The following RNF111 variants were observed in gnomAD, a reference collection of about 807,000 sequenced individuals.
RNF111 encodes E3 ubiquitin-protein ligase Arkadia.
RNF111 carries 17 observed loss-of-function variants against 95.1 expected under a neutral mutation model. The observed-to-expected ratio is 0.18, with a 90% CI of 0.12 to 0.27. The LOEUF (loss-of-function observed/expected upper bound fraction) is 0.27. Among genes scored for constraint, RNF111 ranks in the 10% least tolerant of loss-of-function variants. The pLI is 1.00. For missense variants in RNF111, 1,189 were observed against 1,210.4 expected (o/e 0.98, Z 0.26); for synonymous variants, 440 against 414.8 (o/e 1.06, Z -0.74).
intron 1 of RNF111, among the ~76,000 whole-genome samples, chr15:59,009,141 G>A (rs2039675461): frequency 6.6e-6 from 1 of 152,106 alleles, no homozygotes; most frequent in East Asian, 1.9e-4. Flanking sequence ...TGTATTTTTA[G>A]TAGAGATGGG....
At chr15:59,071,182 C>T (rs2042907651) in intron 6 of RNF111, among the ~76,000 whole-genome samples, 1 of 151,576 alleles carries the variant, frequency 6.6e-6, no homozygotes, top group Admixed American at 6.6e-5. Context: ...CCTGTAGTCC[C>T]AGCTACTCGG....
intron 1 of RNF111, among the ~76,000 whole-genome samples, chr15:59,025,859 T>A (rs1445210098): frequency 2.0e-5 from 3 of 151,958 alleles, no homozygotes; most frequent in Non-Finnish European, 4.4e-5. Context: ...GCCTCCCGAG[T>A]AGCTGGGATT....
chr15:59,054,807 A>G (rs756705278), intron 3 of RNF111, among the ~76,000 whole-genome samples: 2 of 152,058 alleles, frequency 1.3e-5, no homozygotes, highest in East Asian at 3.9e-4. Flanking sequence ...TATATTACAG[A>G]TATTTTCTGT....
At chr15:59,049,113 G>A (rs2041847774) in intron 2 of RNF111, among the ~76,000 whole-genome samples, 1 of 152,086 alleles carries the variant, frequency 6.6e-6, no homozygotes, top group Non-Finnish European at 1.5e-5. Flanking sequence ...ATTTACATTT[G>A]TTGTGAAACA....
intron 1 of RNF111, among the ~76,000 whole-genome samples, chr15:59,014,296 T>C (rs80291252): frequency 0.016 from 2,432 of 152,292 alleles, 72 homozygotes; most frequent in African/African-American, 0.056. Flanking sequence ...ATCAGCTGTT[T>C]TGCCAAGAAA....
At chr15:59,075,660 G>T (rs1413118733) in intron 6 of RNF111, among the ~76,000 whole-genome samples, 3 of 152,128 alleles carry the variant, frequency 2.0e-5, no homozygotes, top group Non-Finnish European at 4.4e-5. Context: ...AAGACAAAAA[G>T]ATTTTAATAT....
At chr15:59,034,697 A>T (rs2041085961) in intron 2 of RNF111, among the ~76,000 whole-genome samples, 1 of 152,242 alleles carries the variant, frequency 6.6e-6, no homozygotes, top group Non-Finnish European at 1.5e-5. Context: ...GTTATTTCCT[A>T]GTCATATTTT....
chr15:58,998,749 C>T lies in RNF111; in HGVS notation c.-20+10681C>T, dbSNP rs1231552046. Among the ~76,000 whole-genome samples, 5 of 152,170 alleles carry T rather than the reference C, an allele frequency of 3.3e-5. No individual in the cohort carries two copies. In the East Asian group the frequency reaches 5.8e-4, roughly 18 times the overall value. On this transcript the variant is annotated intron_variant, in intron 1 of 13. Transcript: ENST00000348370. ...AAGCAAAAATTAGAATTGTGGAAAA[C>T]GCCTATCAGTCACTGTAATTTTGGC...
At chr15:59,093,490 C>T (rs1412228927) in intron 13 of RNF111, 15 of 416,402 alleles carry the variant, frequency 3.6e-5, no homozygotes, top group African/African-American at 8.5e-5. Flanking sequence ...GGATTACAGG[C>T]GTAAGCCACT....
chr15:59,027,819 C>A (rs1443161268), intron 1 of RNF111, among the ~76,000 whole-genome samples: 1 of 150,706 alleles, frequency 6.6e-6, no homozygotes, highest in Non-Finnish European at 1.5e-5. Context: ...AGGCGTGAGC[C>A]ACTGCACCTG....
Position 59,092,627 on chromosome 15 carries a change from G to C in RNF111, c.2830G>C (p.Gly944Arg). ...TATCTGTTTGTCTATTTTAGAGGAA[G>C]GTGAAGATGTGAGGTAACTAGATAT... ...CTICLSILEE[G>R]EDVRRLPCMH... is the part of the protein sequence containing the mutation. The change falls in exon 13 of 14, where the codon GGT (glycine) becomes CGT (arginine). Residue 944 changes from glycine to arginine, a missense_variant. Gly to Arg is a moderately radical substitution (Grantham distance 125). This residue lies in a region of RNF111 where 165 missense variants were observed against 284.6 expected (regional missense o/e 0.58). Transcript: ENST00000348370. 6.2e-7 allele frequency: 1 copy of C among 1,610,396 alleles called. No individual in the cohort carries two copies. Among genetic ancestry groups the C allele is most frequent in the Middle Eastern group, 1.7e-4 (1 of 6,058 alleles).
Position 59,091,140 on chromosome 15 carries a change from C to T in RNF111, c.2725C>T (p.His909Tyr). The T allele has an allele frequency of 1.9e-6, 3 of 1,590,470 alleles. No homozygotes were observed. Among genetic ancestry groups the T allele is most frequent in the Non-Finnish European group, 2.6e-6 (3 of 1,161,284 alleles). Residue 909 changes from histidine (H) to tyrosine (Y), a missense_variant, in exon 12 of 14, where the codon CAT (histidine) becomes TAT (tyrosine). His to Tyr is a moderately conservative substitution (Grantham distance 83, BLOSUM62 2). Around this residue, in one of 2 missense-constraint regions of RNF111, gnomAD observed 165 missense variants for 284.6 expected, o/e 0.58. Coordinates refer to ENST00000348370, the MANE Select transcript of RNF111 (RefSeq NM_017610.8). ...QGTIERCTYP[H>Y]KYKKRKLHCK... ...GACAATTGAAAGATGTACATATCCA[C>T]ATAAATACAAAAAGGTAAGAATTTA...
Position 59,096,211 on chromosome 15 carries a change from ATAT to A in RNF111, c.*1318_*1320del, listed in dbSNP as rs1424283523. On this transcript the variant is annotated 3_prime_UTR_variant, in exon 14 of 14. Coordinates refer to ENST00000348370, the MANE Select transcript of RNF111 (RefSeq NM_017610.8). ...GAAGTTTTAATCTACTTCAGGATGC[ATAT>A]TATTATCAAGATACTTTCATATACA... is the stretch of plus-strand genomic sequence containing the variant. 2.5e-6 allele frequency: 1 copy of A among 396,266 alleles called. No homozygotes were observed. Among genetic ancestry groups the A allele is most frequent in the East Asian group, 3.6e-5 (1 of 27,856 alleles). 24.5% of individuals were successfully genotyped at this position (396,266 alleles called of 1,614,324 possible). A position where few individuals can be genotyped will look rare whatever the true frequency, so the allele number is the denominator to read the frequency against.
At chr15:58,994,685 C>T (rs1225981578) in intron 1 of RNF111, among the ~76,000 whole-genome samples, 5 of 151,950 alleles carry the variant, frequency 3.3e-5, no homozygotes, top group African/African-American at 1.2e-4. Context: ...ACCCTCTTGG[C>T]CAGGCTGGTC....
At chr15:59,014,016 C>A (rs377718316) in intron 1 of RNF111, among the ~76,000 whole-genome samples, 3 of 152,180 alleles carry the variant, frequency 2.0e-5, no homozygotes, top group African/African-American at 7.2e-5. Context: ...GTCTTGAACT[C>A]CTGAGCTTAG....
chr15:58,996,649 C>CTTTATTTTTTTTT (rs2039086185), intron 1 of RNF111, among the ~76,000 whole-genome samples: 1 of 100,810 alleles, frequency 9.9e-6, no homozygotes, highest in African/African-American at 3.9e-5. Context: ...TCAGTACTTT[C>CTTTATTTTTTTTT]TTTTTTTTTT....
intron 1 of RNF111, among the ~76,000 whole-genome samples, chr15:58,999,877 T>C (rs564178225): frequency 6.6e-6 from 1 of 152,210 alleles, no homozygotes; most frequent in South Asian, 2.1e-4. Context: ...GTAGGTGTCT[T>C]ACATGGCAGG....
chr15:59,017,118 T>G (rs190670604), intron 1 of RNF111, among the ~76,000 whole-genome samples: 17 of 152,204 alleles, frequency 1.1e-4, no homozygotes, highest in East Asian at 9.6e-4. Context: ...ACAATAAATG[T>G]ACTCGGATCA....
chr15:58,998,052 G>A (rs980966246), intron 1 of RNF111, among the ~76,000 whole-genome samples: 6 of 151,226 alleles, frequency 4.0e-5, no homozygotes, highest in African/African-American at 1.5e-4. Context: ...TTACAGGCCC[G>A]TGCCACCACA....
Sources: gnomAD v4.1 joint callset for allele counts (sites outside exome capture counted in the v4.1 genomes callset) on GRCh38, gnomAD v4.1.1 for gene constraint, gnomAD v4.1.1 regional missense constraint, MANE v1.5 for transcripts, NCBI Gene and HGNC (gene_info 2026-07-23, HGNC 2026-07-21) for gene names.